The following FAM227B variants were observed in gnomAD, a reference collection of about 807,000 sequenced individuals.
FAM227B encodes protein FAM227B.
Under a neutral mutation model 73.8 loss-of-function variants are expected in FAM227B, and 88 were observed. The observed-to-expected ratio is 1.19, with a 90% CI of 1.00 to 1.42. FAM227B has a LOEUF of 1.42. Ranked by LOEUF, FAM227B falls within the 40% of genes most tolerant of loss-of-function variation. FAM227B has a pLI of 0.00. For synonymous variants in FAM227B, 210 were observed against 190.5 expected (o/e 1.10, Z -0.84); for missense variants, 632 against 590.9 (o/e 1.07, Z -0.72).
chr15:49,538,652 T>A (rs946116510), intron 10 of FAM227B, among the ~76,000 whole-genome samples: 27 of 152,120 alleles, frequency 1.8e-4, no homozygotes, highest in African/African-American at 6.5e-4. Context: ...TCATTCTTTT[T>A]TCCTTTTGCT....
At chr15:49,585,195 G>A (rs1173916078) in intron 5 of FAM227B, among the ~76,000 whole-genome samples, 1 of 151,990 alleles carries the variant, frequency 6.6e-6, no homozygotes, top group African/African-American at 2.4e-5. Flanking sequence ...GAAACAACAG[G>A]TGCTGGAGAG....
chr15:49,360,627 G>A (rs1322991632), intron 13 of FAM227B, among the ~76,000 whole-genome samples: 1 of 152,118 alleles, frequency 6.6e-6, no homozygotes, highest in Non-Finnish European at 1.5e-5. Context: ...CCAAGATTCT[G>A]CAGTTTAAAG....
chr15:49,481,284 T>C (rs972579089), intron 11 of FAM227B, among the ~76,000 whole-genome samples: 7 of 152,358 alleles, frequency 4.6e-5, no homozygotes, highest in African/African-American at 7.2e-5. Context: ...AACTGATACA[T>C]TTATTCCATT....
chr15:49,523,509 T>A (rs756321778), intron 10 of FAM227B, among the ~76,000 whole-genome samples: 18 of 152,180 alleles, frequency 1.2e-4, no homozygotes, highest in Non-Finnish European at 2.2e-4. Flanking sequence ...TTTTCCTGTA[T>A]AAATTACCCA....
chr15:49,480,155 G>T (rs970862181), intron 11 of FAM227B, among the ~76,000 whole-genome samples: 6 of 152,112 alleles, frequency 3.9e-5, no homozygotes, highest in African/African-American at 1.2e-4. Context: ...ATTTCCCAGT[G>T]TTAATGGTAT....
At chr15:49,542,450 A>C (rs1354600252) in intron 9 of FAM227B, among the ~76,000 whole-genome samples, 2 of 151,970 alleles carry the variant, frequency 1.3e-5, no homozygotes, top group East Asian at 3.9e-4. Context: ...CACAGTACCC[A>C]ATTTGTAGGC....
At chr15:49,433,213 T>A (rs1765874735) in intron 11 of FAM227B, among the ~76,000 whole-genome samples, 1 of 151,708 alleles carries the variant, frequency 6.6e-6, no homozygotes, top group African/African-American at 2.4e-5. Context: ...TCTCTTTCTG[T>A]GCCCCAATTG....
At chr15:49,448,505 T>TA (rs1054483218) in intron 11 of FAM227B, among the ~76,000 whole-genome samples, 4 of 151,720 alleles carry the variant, frequency 2.6e-5, no homozygotes, top group African/African-American at 9.7e-5. Context: ...TTTATTGTTT[T>TA]AAAAAACTCC....
chr15:49,387,414 G>A (rs1025285573), intron 11 of FAM227B, among the ~76,000 whole-genome samples: 5 of 151,792 alleles, frequency 3.3e-5, no homozygotes, highest in African/African-American at 1.2e-4. Context: ...CCCAATAGAT[G>A]CAGAAAAAGC....
intron 11 of FAM227B, among the ~76,000 whole-genome samples, chr15:49,395,615 AC>A (rs1205428200): frequency 6.6e-6 from 1 of 152,224 alleles, no homozygotes; most frequent in African/African-American, 2.4e-5. Context: ...AAGCAGCATC[AC>A]ATACATGGCA....
rs1221530538 is a variant in FAM227B at position 49,490,767 on chromosome 15, T to G, written c.1012+17444A>C. ...CATGTACATATCACCTTAATGATTC[T>G]CCACTTGACTGAAATTTTTCCATTA... is the stretch of plus-strand genomic sequence containing the variant. On this transcript the variant is annotated intron_variant, in intron 11 of 15. Transcript: ENST00000299338. Among the ~76,000 whole-genome samples, 4 of 151,954 alleles carry G rather than the reference T, an allele frequency of 2.6e-5. No individual in the cohort carries two copies. In the East Asian group the frequency reaches 5.8e-4, roughly 22 times the overall value.
intron 15 of FAM227B, chr15:49,328,917 A>AT (rs2151120918): frequency 8.2e-7 from 1 of 1,221,678 alleles, no homozygotes; most frequent in Non-Finnish European, 1.0e-6. Context: ...AAAAACTTAG[A>AT]TAAAAAACAC....
chr15:49,612,227 T>G (rs1304987612), intron 2 of FAM227B, among the ~76,000 whole-genome samples: 3 of 152,184 alleles, frequency 2.0e-5, no homozygotes, highest in Admixed American at 1.3e-4. Flanking sequence ...TATCTCCTAA[T>G]GCTATCCCTC....
chr15:49,404,118 G>C (rs1160378753), intron 11 of FAM227B, among the ~76,000 whole-genome samples: 1 of 152,124 alleles, frequency 6.6e-6, no homozygotes, highest in African/African-American at 2.4e-5. Context: ...GCTGTGTGTG[G>C]TCCAAGAGAC....
intron 11 of FAM227B, among the ~76,000 whole-genome samples, chr15:49,454,844 C>T (rs1419928042): frequency 1.3e-5 from 2 of 152,170 alleles, no homozygotes; most frequent in East Asian, 1.9e-4. Context: ...CTCCTGACCT[C>T]GTGATCCGCT....
chr15:49,379,435 A>G (rs1281779536), intron 11 of FAM227B, among the ~76,000 whole-genome samples: 1 of 152,110 alleles, frequency 6.6e-6, no homozygotes, highest in Non-Finnish European at 1.5e-5. Flanking sequence ...TTTCTTTACC[A>G]GGAGACTTTT....
intron 5 of FAM227B, among the ~76,000 whole-genome samples, chr15:49,581,692 G>A (rs1358923004): frequency 1.3e-5 from 2 of 152,126 alleles, no homozygotes; most frequent in African/African-American, 4.8e-5. Context: ...CACAAGTGAA[G>A]AAGAAATAAG....
intron 11 of FAM227B, among the ~76,000 whole-genome samples, chr15:49,473,085 T>C (rs779232135): frequency 7.9e-5 from 12 of 152,210 alleles, no homozygotes; most frequent in Non-Finnish European, 1.6e-4. Context: ...CATACTGTAA[T>C]CTTTTTTCAA....
At chr15:49,341,672 AG>A (rs1000545590) in intron 13 of FAM227B, among the ~76,000 whole-genome samples, 1 of 152,132 alleles carries the variant, frequency 6.6e-6, no homozygotes, top group Non-Finnish European at 1.5e-5. Context: ...TAACTTTTTG[AG>A]GTAAGCATTA....
Sources: allele counts gnomAD v4.1 joint callset (sites outside exome capture counted in the v4.1 genomes callset), GRCh38; gene constraint gnomAD v4.1.1; transcripts MANE v1.5; gene names NCBI Gene and HGNC (gene_info 2026-07-23, HGNC 2026-07-21).